MARCHF10: variants seen among roughly 807,000 people sequenced by gnomAD.
MARCHF10 encodes probable E3 ubiquitin-protein ligase MARCHF10.
A neutral mutation model predicts 76.2 loss-of-function variants in MARCHF10; 64 were observed. The ratio of observed to expected loss-of-function variants is 0.84; its 90% confidence interval spans 0.69 to 1.03. MARCHF10 has a LOEUF of 1.03. MARCHF10 is among the 50% of genes least tolerant of loss of function. The pLI, the probability that MARCHF10 is intolerant of heterozygous loss-of-function variation, is 0.00. For synonymous variants in MARCHF10, 340 were observed against 357.5 expected, an observed-to-expected ratio of 0.95 and a Z score of 0.55; for missense variants, 875 against 958.0, an observed-to-expected ratio of 0.91 and a Z score of 1.14.
chr17:62,782,402 C>G (rs972304283), intron 3 of MARCHF10, among the ~76,000 whole-genome samples: 16 of 134,740 alleles, frequency 1.2e-4, no homozygotes, highest in Middle Eastern at 5.0e-3. Flanking sequence ...GGGTGGAGTA[C>G]AGTGGCACGA....
At position 62,725,059 on chromosome 17, in the gene MARCHF10, G is replaced by A; in HGVS notation, c.1983C>T (p.Ile661=). The change falls in exon 7 of 11, where the codon ATC becomes ATT. Residue 661 remains isoleucine (I), a synonymous_variant. Transcript: ENST00000311269. The stretch of plus-strand genomic sequence containing the variant: ...TTGGGGAACCCCCGGCTATCTGACA[G>A]ATGCGACACAAGTCTCCCTCCTCCT... ...DSEEEGDLCR[I]CQIAGGSPSN... is the part of the protein sequence containing the mutation. 1 of 1,606,226 alleles carries A rather than the reference G, an allele frequency of 6.2e-7. No individual in the cohort carries two copies. The highest frequency in any genetic ancestry group is 8.5e-7 in the Non-Finnish European group (1 of 1,177,242).
chr17:62,790,813 T>C (rs887583687), intron 2 of MARCHF10, among the ~76,000 whole-genome samples: 1 of 152,212 alleles, frequency 6.6e-6, no homozygotes, highest in African/African-American at 2.4e-5. Context: ...CTCCTTGGAA[T>C]TGGGACAGTT....
In MARCHF10 at chr17:62,711,629, T is replaced by C. The variant is rs2089935730; in HGVS notation, c.2215-285A>G. Among the ~76,000 whole-genome samples the C allele has an allele frequency of 6.6e-6, 1 of 152,196 alleles. No homozygotes were observed. On this transcript the variant is annotated intron_variant, in intron 8 of 10. Transcript: ENST00000311269. The surrounding 1 kb of genome is among the most constrained non-coding windows in gnomAD (Gnocchi z 4.4). The stretch of plus-strand genomic sequence containing the variant: ...TCCACATTTATTGAGCAGTTACATA[T>C]GCAAAGCCTTGAGCTGGATGTTGTG...
At chr17:62,798,422 G>A (rs183768038) in intron 2 of MARCHF10, among the ~76,000 whole-genome samples, 24 of 147,652 alleles carry the variant, frequency 1.6e-4, no homozygotes, top group Non-Finnish European at 2.7e-4. Flanking sequence ...CCAGGAGTTC[G>A]AGACCAGCCT....
intron 4 of MARCHF10, chr17:62,746,796 T>C: frequency 1.9e-6 from 2 of 1,036,092 alleles, no homozygotes; most frequent in Non-Finnish European, 2.8e-6. Context: ...ATATTCAAAG[T>C]TCCCACGCAC....
At chr17:62,731,338 C>G (rs777045316) in intron 6 of MARCHF10, among the ~76,000 whole-genome samples, 1 of 152,210 alleles carries the variant, frequency 6.6e-6, no homozygotes, top group Non-Finnish European at 1.5e-5. Context: ...TCTCAGCTCA[C>G]TGCAACCTCT....
At chr17:62,797,160 T>C (rs2092999169) in intron 2 of MARCHF10, among the ~76,000 whole-genome samples, 1 of 152,232 alleles carries the variant, frequency 6.6e-6, no homozygotes, top group African/African-American at 2.4e-5. Flanking sequence ...GTAAATTTAC[T>C]AAAAGTCTTT....
At chr17:62,756,151 G>T (rs949384076) in intron 4 of MARCHF10, among the ~76,000 whole-genome samples, 4 of 152,186 alleles carry the variant, frequency 2.6e-5, no homozygotes. Flanking sequence ...GGGAGGCTGA[G>T]GCAGGATAAT....
chr17:62,705,535 C>G lies in MARCHF10; in HGVS notation c.2371+4G>C. Reference sequence around the variant, plus strand: ...AAATGGCAGGACTGGCCCCCAAAACCTACTTTCATTTTCCTCTGTTCTGGG... The same window carrying G: ...AAATGGCAGGACTGGCCCCCAAAACGTACTTTCATTTTCCTCTGTTCTGGG... On this transcript the variant is annotated splice_donor_region_variant and intron_variant, in intron 10 of 10. Coordinates refer to ENST00000311269, the MANE Select transcript of MARCHF10 (RefSeq NM_152598.4). 6.2e-7 allele frequency: 1 copy of G among 1,614,186 alleles called. No individual in the cohort carries two copies. The highest frequency in any genetic ancestry group is 8.5e-7 in the Non-Finnish European group (1 of 1,180,034).
chr17:62,758,623 T>C (rs934777681), intron 4 of MARCHF10, among the ~76,000 whole-genome samples: 4 of 152,220 alleles, frequency 2.6e-5, no homozygotes, highest in Non-Finnish European at 2.9e-5. Context: ...GAGGACATCA[T>C]TTCAGAAGTC....
intron 4 of MARCHF10, among the ~76,000 whole-genome samples, chr17:62,757,306 C>A (rs2092075017): frequency 6.6e-6 from 1 of 152,182 alleles, no homozygotes; most frequent in African/African-American, 2.4e-5. Context: ...AACTTTGTAT[C>A]ACCCCCAAAA....
Position 62,736,402 on chromosome 17 carries a change from A to C in MARCHF10, c.1466T>G (p.Leu489Trp). ...GTGAACTGAAGTCGATGACATTGAC[A>C]AGTCTACTGGAATATCATCTCTCAG... ...SALRDDIPVD[L>W]SMSSTSVHSS... The change falls in exon 6 of 11, where the codon TTG becomes TGG. Residue 489 changes from leucine to tryptophan, a missense_variant. Physicochemically the swap from Leu to Trp is moderately conservative, Grantham distance 61 (BLOSUM62 -2). Transcript: ENST00000311269. The C allele has an allele frequency of 1.9e-6, 3 of 1,614,182 alleles. No homozygotes were observed. In the South Asian group the frequency reaches 3.3e-5, roughly 18 times the overall value.
chr17:62,730,494 T>C (rs968000543), intron 6 of MARCHF10, among the ~76,000 whole-genome samples: 3 of 152,236 alleles, frequency 2.0e-5, no homozygotes, highest in African/African-American at 7.2e-5. Context: ...GTATGCTAGA[T>C]AGTCTATGAC....
intron 6 of MARCHF10, among the ~76,000 whole-genome samples, chr17:62,728,353 G>A (rs1253682261): frequency 2.6e-5 from 4 of 152,076 alleles, no homozygotes; most frequent in Non-Finnish European, 4.4e-5. Flanking sequence ...AAAAGTTCAC[G>A]AATGACATTC....
At chr17:62,724,321 T>C (rs1568114095) in intron 7 of MARCHF10, among the ~76,000 whole-genome samples, 1 of 151,742 alleles carries the variant, frequency 6.6e-6, no homozygotes, top group East Asian at 1.9e-4. Flanking sequence ...GCTCAGGGAG[T>C]TGAGAAGGTG....
chr17:62,761,710 C>A (rs1253555948), intron 3 of MARCHF10, among the ~76,000 whole-genome samples: 1 of 152,198 alleles, frequency 6.6e-6, no homozygotes, highest in Non-Finnish European at 1.5e-5. Flanking sequence ...GCGTGAGCCA[C>A]TGTGCCTGGC....
At chr17:62,757,553 C>T (rs1285388565) in intron 4 of MARCHF10, among the ~76,000 whole-genome samples, 1 of 152,200 alleles carries the variant, frequency 6.6e-6, no homozygotes, top group Non-Finnish European at 1.5e-5. Flanking sequence ...TGAGTCTACA[C>T]ATGTAAAATG....
intron 1 of MARCHF10, among the ~76,000 whole-genome samples, chr17:62,804,428 C>T (rs1019736178): frequency 1.3e-5 from 2 of 152,046 alleles, no homozygotes; most frequent in South Asian, 2.1e-4. Context: ...AGAGAACAAG[C>T]CGCTGAAGAG....
intron 6 of MARCHF10, among the ~76,000 whole-genome samples, chr17:62,729,311 T>A (rs1316432216): frequency 6.6e-6 from 1 of 151,816 alleles, no homozygotes; most frequent in East Asian, 1.9e-4. Context: ...TGTACAACCT[T>A]TTCTAATGCC....
Sources: gnomAD v4.1 joint callset for allele counts (sites outside exome capture counted in the v4.1 genomes callset) on GRCh38, gnomAD v4.1.1 for gene constraint, Gnocchi (gnomAD v3.1) non-coding constraint, MANE v1.5 for transcripts, NCBI Gene and HGNC (gene_info 2026-07-23, HGNC 2026-07-21) for gene names.